TCERG1L: variants seen among roughly 807,000 people sequenced by gnomAD.
The protein encoded by TCERG1L is transcription elongation regulator 1-like protein.
In TCERG1L, 37 loss-of-function variants were observed where a neutral mutation model predicts 56.3. That is an observed-to-expected ratio of 0.66 (90% CI 0.51 to 0.87). The LOEUF is 0.87. Ranked by LOEUF, TCERG1L falls within the 40% of genes least tolerant of loss-of-function variation. The pLI is 0.00. For synonymous variants in TCERG1L, 324 were observed against 326.3 expected (o/e 0.99, Z 0.08); for missense variants, 799 against 774.2 (o/e 1.03, Z -0.38).
At chr10:131,147,016 G>A (rs1481969551) in intron 6 of TCERG1L, among the ~76,000 whole-genome samples, 2 of 152,006 alleles carry the variant, frequency 1.3e-5, no homozygotes, top group Non-Finnish European at 2.9e-5. Context: ...ACTCTGGGGC[G>A]CCTCCTGGCC....
intron 8 of TCERG1L, among the ~76,000 whole-genome samples, chr10:131,127,730 C>A (rs1845577994): frequency 6.6e-6 from 1 of 152,028 alleles, no homozygotes; most frequent in Non-Finnish European, 1.5e-5. Flanking sequence ...GACCTGGAGA[C>A]AGGTCCCCCA....
In TCERG1L at chr10:131,132,297, G is replaced by C. The variant is rs541739298; in HGVS notation, c.1259+2082C>G. Among the ~76,000 whole-genome samples, 18 of 152,336 alleles carry C rather than the reference G, an allele frequency of 1.2e-4. No homozygotes were observed. In the South Asian group the frequency reaches 3.7e-3, roughly 32 times the overall value. ...TCTTCCTCTCCCACGGAATCTTCAA[G>C]GCTGGAACCAACATGGAAATGAACA... On this transcript the variant is annotated intron_variant, in intron 8 of 11. Coordinates refer to ENST00000368642, the MANE Select transcript of TCERG1L (RefSeq NM_174937.4).
intron 7 of TCERG1L, among the ~76,000 whole-genome samples, chr10:131,144,270 A>G (rs1371067840): frequency 1.3e-5 from 2 of 152,210 alleles, no homozygotes; most frequent in Non-Finnish European, 2.9e-5. Flanking sequence ...GTCAAACAAA[A>G]TGTGAAAAAC....
chr10:131,256,193 T>C (rs913078479), intron 4 of TCERG1L, among the ~76,000 whole-genome samples: 1 of 152,236 alleles, frequency 6.6e-6, no homozygotes, highest in African/African-American at 2.4e-5. Context: ...AAAGACCTTA[T>C]TCCCAAATGT....
intron 3 of TCERG1L, among the ~76,000 whole-genome samples, chr10:131,278,751 T>C (rs1250036752): frequency 6.7e-6 from 1 of 149,390 alleles, no homozygotes; most frequent in Non-Finnish European, 1.5e-5. Context: ...TGTCCTCGCC[T>C]GCCCAGGAGT....
At position 131,260,276 on chromosome 10, in the gene TCERG1L, C is replaced by T. The variant is rs747337592; in HGVS notation, c.839G>A (p.Arg280Gln). 1.2e-5 allele frequency: 17 copies of T among 1,377,300 alleles called. No individual in the cohort carries two copies. The highest frequency in any genetic ancestry group is 9.1e-5 in the Admixed American group (3 of 32,912). 85.3% of individuals were successfully genotyped at this position (1,377,300 alleles called of 1,614,324 possible). A position where few individuals can be genotyped will look rare whatever the true frequency, so the allele number is the denominator to read the frequency against. Reference sequence around the variant, plus strand: ...GAGCCTACCTGAGACGGGGGACGTCCGGAGGGGTATTTTGATGGGTGCCAA... The same window carrying T: ...GAGCCTACCTGAGACGGGGGACGTCTGGAGGGGTATTTTGATGGGTGCCAA... ...LTLAPIKIPLRTSPVSDTRTE... is the reference protein window; with the variant it reads ...LTLAPIKIPLQTSPVSDTRTE... Residue 280 changes from arginine to glutamine, a missense_variant, in exon 4 of 12, where the codon CGG (arginine) becomes CAG (glutamine). Coordinates refer to ENST00000368642, the MANE Select transcript of TCERG1L (RefSeq NM_174937.4). The surrounding 1 kb of genome is among the most constrained non-coding windows in gnomAD (Gnocchi z 5.8).
rs548364767 is a variant in TCERG1L at position 131,254,529 on chromosome 10, T to C, written c.856+5730A>G. ...GCAGACTTGGCCTGACAAAGGTCCT[T>C]GAGAAGTGAACTCCAGCTCCTCTGC... On this transcript the variant is annotated intron_variant, in intron 4 of 11. Coordinates refer to ENST00000368642, the MANE Select transcript of TCERG1L (RefSeq NM_174937.4). Among the ~76,000 whole-genome samples, 5 of 152,114 alleles carry C rather than the reference T, an allele frequency of 3.3e-5. No individual in the cohort carries two copies. In the East Asian group the frequency reaches 7.8e-4, roughly 24 times the overall value.
At chr10:131,098,276 A>T in intron 11 of TCERG1L, 30 bp downstream of exon 11, 1 of 1,546,550 alleles carries the variant, frequency 6.5e-7, no homozygotes, top group South Asian at 1.2e-5. Flanking sequence ...CCAGCCCCAG[A>T]AATCATCCGG....
intron 4 of TCERG1L, among the ~76,000 whole-genome samples, chr10:131,188,063 C>A (rs553419005): frequency 1.3e-5 from 2 of 152,220 alleles, no homozygotes; most frequent in Non-Finnish European, 2.9e-5. Flanking sequence ...CAAGTGACAG[C>A]CGGGCAGGGC....
At chr10:131,248,645 A>C (rs966938873) in intron 4 of TCERG1L, among the ~76,000 whole-genome samples, 23 of 152,208 alleles carry the variant, frequency 1.5e-4, no homozygotes, top group African/African-American at 5.5e-4. Flanking sequence ...AGGCAGGAAC[A>C]CAGGGAATGA....
In TCERG1L at chr10:131,311,661, G is replaced by A. The variant is rs1443046907; in HGVS notation, c.-26C>T. 1 of 1,080,444 alleles carries A rather than the reference G, an allele frequency of 9.3e-7. No homozygotes were observed. The highest frequency in any genetic ancestry group is 1.1e-6 in the Non-Finnish European group (1 of 887,562). 66.9% of individuals were successfully genotyped at this position (1,080,444 alleles called of 1,614,324 possible). ...CCTACATCCCCGCGCTGACGGCGGC[G>A]GCGGGGGCGGCGGGCGCCCGAGATG... On this transcript the variant is annotated 5_prime_UTR_variant, in exon 1 of 12. Transcript: ENST00000368642. This position sits in a 1 kb window ranked among gnomAD's most constrained non-coding sequence, Gnocchi z 4.0.
chr10:131,270,635 G>A (rs548553898), intron 3 of TCERG1L, among the ~76,000 whole-genome samples: 9 of 152,348 alleles, frequency 5.9e-5, no homozygotes, highest in East Asian at 1.9e-4. Context: ...GGCTGCTGCC[G>A]TTGCTGGCGT....
intron 3 of TCERG1L, among the ~76,000 whole-genome samples, chr10:131,270,624 T>C (rs1057116748): frequency 6.6e-6 from 1 of 152,256 alleles, no homozygotes; most frequent in East Asian, 1.9e-4. Context: ...CAGCCCCGCA[T>C]GGCTGCTGCC....
At chr10:131,161,604 G>C (rs1283229042) in intron 6 of TCERG1L, 2 of 151,668 alleles carry the variant, frequency 1.3e-5, no homozygotes, top group African/African-American at 2.4e-5. Flanking sequence ...GGAGGGTGCT[G>C]GTCTCCAGAG....
Position 131,267,876 on chromosome 10 carries a change from G to A in TCERG1L, c.671-7432C>T, listed in dbSNP as rs1375549686. On this transcript the variant is annotated intron_variant, in intron 3 of 11. Coordinates refer to ENST00000368642, the MANE Select transcript of TCERG1L (RefSeq NM_174937.4). The surrounding 1 kb of genome is among the most constrained non-coding windows in gnomAD (Gnocchi z 4.9). ...AGGCCCGTGCCAGAGTCGAGGGCAA[G>A]GGTGATGTTGCCACAAGTTCCCCGG... Among the ~76,000 whole-genome samples the A allele has an allele frequency of 6.6e-6, 1 of 152,224 alleles. No homozygotes were observed. The highest frequency in any genetic ancestry group is 1.5e-5 in the Non-Finnish European group (1 of 68,038).
At chr10:131,272,760 C>T (rs760018964) in intron 3 of TCERG1L, among the ~76,000 whole-genome samples, 32 of 152,236 alleles carry the variant, frequency 2.1e-4, no homozygotes, top group Non-Finnish European at 4.0e-4. Context: ...GAAGCTCAGG[C>T]CCTCAGTGCT....
intron 8 of TCERG1L, among the ~76,000 whole-genome samples, chr10:131,132,901 T>TC (rs1252650072): frequency 2.0e-5 from 3 of 152,100 alleles, no homozygotes; most frequent in African/African-American, 7.2e-5. Flanking sequence ...GCCCTAGACC[T>TC]CCCCACATAG....
intron 7 of TCERG1L, among the ~76,000 whole-genome samples, chr10:131,142,285 C>A (rs545669197): frequency 2.6e-4 from 40 of 152,268 alleles, no homozygotes; most frequent in Non-Finnish European, 1.2e-4. Context: ...AGCTCACCAC[C>A]CTCCAGGGCT....
intron 11 of TCERG1L, among the ~76,000 whole-genome samples, chr10:131,097,156 G>A (rs1174556109): frequency 8.4e-5 from 12 of 142,470 alleles, no homozygotes; most frequent in African/African-American, 3.1e-4. Context: ...AACCAAGATC[G>A]TGCCATTGCA....
Sources: allele counts gnomAD v4.1 joint callset (sites outside exome capture counted in the v4.1 genomes callset), GRCh38; gene constraint gnomAD v4.1.1; non-coding constraint Gnocchi (gnomAD v3.1); transcripts MANE v1.5; gene names NCBI Gene and HGNC (gene_info 2026-07-23, HGNC 2026-07-21).